The following FAF1 variants were observed in gnomAD, a reference collection of about 807,000 sequenced individuals.
FAF1 encodes the protein Fas associated factor 1, also known as FAS-associated factor 1.
A neutral mutation model predicts 92.5 loss-of-function variants in FAF1; 25 were observed. The ratio of observed to expected loss-of-function variants is 0.27; its 90% confidence interval spans 0.20 to 0.38. The LOEUF (loss-of-function observed/expected upper bound fraction) is 0.38. Ranked by LOEUF, FAF1 falls within the 10% of genes least tolerant of loss-of-function variation. FAF1 has a pLI of 1.00. For synonymous variants in FAF1, 234 were observed against 273.2 expected (o/e 0.86, Z 1.42); for missense variants, 636 against 793.3 (o/e 0.80, Z 2.38).
chr1:50,446,344 T>C (rs971941259), intron 18 of FAF1, among the ~76,000 whole-genome samples: 2 of 152,240 alleles, frequency 1.3e-5, no homozygotes, highest in African/African-American at 2.4e-5. Flanking sequence ...GTATCACTAA[T>C]GTAAAAATCC....
At chr1:50,500,954 G>A (rs1646976901) in intron 15 of FAF1, among the ~76,000 whole-genome samples, 1 of 152,076 alleles carries the variant, frequency 6.6e-6, no homozygotes, top group Non-Finnish European at 1.5e-5. Context: ...TCGTGATATA[G>A]TAAGAAATAT....
At chr1:50,718,959 T>C (rs1253917431) in intron 6 of FAF1, among the ~76,000 whole-genome samples, 2 of 152,348 alleles carry the variant, frequency 1.3e-5, no homozygotes, top group East Asian at 1.9e-4. Context: ...TTATGGGTTA[T>C]TTACACTAAA....
intron 2 of FAF1, among the ~76,000 whole-genome samples, chr1:50,842,452 T>C (rs1644263659): frequency 6.6e-6 from 1 of 152,114 alleles, no homozygotes; most frequent in Non-Finnish European, 1.5e-5. Flanking sequence ...ACTACATGCA[T>C]TACTGAAAAA....
At chr1:50,953,942 A>C (rs1382399348) in intron 1 of FAF1, among the ~76,000 whole-genome samples, 18 of 70,828 alleles carry the variant, frequency 2.5e-4, no homozygotes, top group Non-Finnish European at 1.0e-4. Context: ...TAAATTCAGA[A>C]AGAATACATT....
At chr1:50,613,173 A>C (rs1652756973) in intron 8 of FAF1, among the ~76,000 whole-genome samples, 1 of 152,234 alleles carries the variant, frequency 6.6e-6, no homozygotes, top group Non-Finnish European at 1.5e-5. Flanking sequence ...CAAGGCCTGG[A>C]AACCACTCCA....
At chr1:50,738,278 T>C (rs1358779535) in intron 6 of FAF1, among the ~76,000 whole-genome samples, 3 of 151,998 alleles carry the variant, frequency 2.0e-5, no homozygotes, top group Non-Finnish European at 4.4e-5. Context: ...ACCCCATCTC[T>C]ACTAAAAATG....
At position 50,933,656 on chromosome 1, in the gene FAF1, C is replaced by T. The variant is rs894468817; in HGVS notation, c.45+26111G>A. On this transcript the variant is annotated intron_variant, in intron 1 of 18. Transcript: ENST00000396153. ...AGTTCCAACGTCGCATCCAAATTTT[C>T]CAGTACCTTTTCGGCAACGCCCCAC... is the stretch of plus-strand genomic sequence containing the variant. Among the ~76,000 whole-genome samples, 4 of 152,346 alleles carry T rather than the reference C, an allele frequency of 2.6e-5. No homozygotes were observed. The East Asian group carries it at 5.8e-4, about 22-fold the overall frequency.
chr1:50,629,148 A>T (rs930630694), intron 8 of FAF1, among the ~76,000 whole-genome samples: 1 of 148,546 alleles, frequency 6.7e-6, no homozygotes, highest in African/African-American at 2.5e-5. Flanking sequence ...AATCTTATAG[A>T]TCCAGATAGA....
At chr1:50,707,219 A>G (rs1657711477) in intron 6 of FAF1, among the ~76,000 whole-genome samples, 3 of 151,562 alleles carry the variant, frequency 2.0e-5, no homozygotes, top group Admixed American at 2.0e-4. Flanking sequence ...AAAAAAAAAA[A>G]AGAATTAGGC....
rs151244485 is a variant in FAF1, at chr1:50,469,086, T to C, written c.1869+6378A>G. Among the ~76,000 whole-genome samples the C allele has an allele frequency of 3.2e-3, 484 of 152,320 alleles. 3 individuals are homozygous for C. The highest frequency in any genetic ancestry group is 6.8e-3 in the Middle Eastern group (2 of 294). On this transcript the variant is annotated intron_variant, in intron 18 of 18. Transcript: ENST00000396153. ...CAGCTGTATTATTCTTTTAAACCTT[T>C]TGCTATTTACTTTTTTTTGAATGTT...
At chr1:50,594,258 T>G (rs1178333897) in intron 9 of FAF1, among the ~76,000 whole-genome samples, 1 of 149,810 alleles carries the variant, frequency 6.7e-6, no homozygotes, top group African/African-American at 2.5e-5. Context: ...GAGGTTGTAG[T>G]GAGCCGAGAT....
At chr1:50,655,342 G>C in intron 8 of FAF1, 100 bp downstream of exon 8, 2 of 822,376 alleles carry the variant, frequency 2.4e-6, no homozygotes, top group Admixed American at 3.8e-5. Flanking sequence ...TTCAATGGAA[G>C]ACTCAAAGCA....
intron 1 of FAF1, among the ~76,000 whole-genome samples, chr1:50,889,377 T>C (rs1279525855): frequency 6.6e-6 from 1 of 152,230 alleles, no homozygotes; most frequent in Non-Finnish European, 1.5e-5. Flanking sequence ...AGTTCTGCTC[T>C]GATCTTAGTT....
Position 50,618,875 on chromosome 1 carries a change from G to T in FAF1, c.745-22659C>A, listed in dbSNP as rs1462950222. 2.6e-5 allele frequency among the ~76,000 whole-genome samples: 4 copies of T among 151,690 alleles called. No individual in the cohort carries two copies. The East Asian group carries it at 7.8e-4, about 29-fold the overall frequency. ...GCGATTCTTCTGCCTCAGCCTCCTG[G>T]GTAGCTGGGATTACAGGCGTGCACC... On this transcript the variant is annotated intron_variant, in intron 8 of 18. Coordinates refer to ENST00000396153, the MANE Select transcript of FAF1 (RefSeq NM_007051.3).
Position 50,836,170 on chromosome 1 carries a change from G to GTTTTTTTTTTTTTTTTTT in FAF1, c.114+21741_114+21758dup, listed in dbSNP as rs36053491. Among the ~76,000 whole-genome samples the GTTTTTTTTTTTTTTTTTT allele has an allele frequency of 1.1e-3, 105 of 98,512 alleles. 14 individuals carry two copies. The highest frequency in any genetic ancestry group is 2.0e-3 in the African/African-American group (46 of 23,468). 64.6% of individuals were successfully genotyped at this position (98,512 alleles called of 152,430 possible). On this transcript the variant is annotated intron_variant, in intron 2 of 18. Coordinates refer to ENST00000396153, the MANE Select transcript of FAF1 (RefSeq NM_007051.3). ...GTGTGTGTTTTTGTTTTTTGTTTCT[G>GTTTTTTTTTTTTTTTTTT]TTTTTTTTTTTTTTTTTTTAGACAG...
chr1:50,684,593 T>C (rs534107853), intron 7 of FAF1, among the ~76,000 whole-genome samples: 4 of 152,256 alleles, frequency 2.6e-5, no homozygotes, highest in East Asian at 1.9e-4. Flanking sequence ...TTTTAAGAGT[T>C]TGCCAATCTC....
intron 13 of FAF1, among the ~76,000 whole-genome samples, chr1:50,547,417 A>ATTTT (rs34513367): frequency 1.4e-5 from 2 of 146,182 alleles, no homozygotes; most frequent in African/African-American, 5.0e-5. Context: ...AAGCCACGTA[A>ATTTT]TTTTTTTTTT....
At chr1:50,697,950 C>T (rs1193854981) in intron 7 of FAF1, among the ~76,000 whole-genome samples, 5 of 152,044 alleles carry the variant, frequency 3.3e-5, no homozygotes, top group Admixed American at 1.3e-4. Context: ...GAGTCATACA[C>T]AAGACACATT....
chr1:50,757,877 C>T (rs749421782), intron 4 of FAF1, among the ~76,000 whole-genome samples: 1 of 151,990 alleles, frequency 6.6e-6, no homozygotes, highest in South Asian at 2.1e-4. Flanking sequence ...AGCTTAATGA[C>T]CATTATGTGT....
Sources: gnomAD v4.1 joint callset for allele counts (sites outside exome capture counted in the v4.1 genomes callset) on GRCh38, gnomAD v4.1.1 for gene constraint, MANE v1.5 for transcripts, NCBI Gene and HGNC (gene_info 2026-07-23, HGNC 2026-07-21) for gene names.